UPK2: variants seen among roughly 807,000 people sequenced by gnomAD.
UPK2 encodes uroplakin-2.
UPK2 carries 19 observed loss-of-function variants against 14.8 expected under a neutral mutation model. The ratio of observed to expected loss-of-function variants is 1.29; its 90% CI spans 0.90 to 1.89. The LOEUF (loss-of-function observed/expected upper bound fraction) is 1.89. Among genes scored for constraint, UPK2 ranks in the 40% most tolerant of loss-of-function variants. The pLI, the probability that UPK2 is intolerant of heterozygous loss-of-function variation, is 0.00. For synonymous variants in UPK2, 102 were observed against 101.6 expected (o/e 1.00, Z -0.02); for missense variants, 232 against 236.0 (o/e 0.98, Z 0.11).
At position 118,957,238 on chromosome 11, in the gene UPK2, G is replaced by A. The variant is rs1274809887; in HGVS notation, c.239G>A (p.Cys80Tyr). Residue 80 changes from cysteine (C) to tyrosine (Y), a missense_variant, in exon 3 of 5, where the codon TGC becomes TAC. Cys to Tyr is a radical substitution (Grantham distance 194, BLOSUM62 -2). Transcript: ENST00000264031. ...VVTSSFVVPPCRGRRELVSVV... is the reference protein window; with the variant it reads ...VVTSSFVVPPYRGRRELVSVV... ...ACGTCCAGCTTTGTGGTGCCTCCGTGCCGTGGGCGCAGGGAACTGGTGAGT... is the reference window on the plus strand; with the variant it reads ...ACGTCCAGCTTTGTGGTGCCTCCGTACCGTGGGCGCAGGGAACTGGTGAGT... The A allele has an allele frequency of 6.2e-7, 1 of 1,614,132 alleles. No homozygotes were observed.
rs557904545 is a variant in UPK2 at position 118,956,724 on chromosome 11, C to A, written c.77-159C>A. Among the ~76,000 whole-genome samples the A allele has an allele frequency of 6.6e-6, 1 of 152,144 alleles. No individual in the cohort carries two copies. The highest frequency in any genetic ancestry group is 1.5e-5 in the Non-Finnish European group (1 of 68,030). On this transcript the variant is annotated intron_variant, in intron 1 of 4. Transcript: ENST00000264031. This position sits in a 1 kb window ranked among gnomAD's most constrained non-coding sequence, Gnocchi z 4.1. ...CGCTTGGTGGAGGGTGCAGCTTCTG[C>A]AGCCCAAGCCTGCCACCTGGTGGTC...
chr11:118,956,849 G>T lies in UPK2; in HGVS notation c.77-34G>T. On this transcript the variant is annotated intron_variant, in intron 1 of 4. Coordinates refer to ENST00000264031, the MANE Select transcript of UPK2 (RefSeq NM_006760.4). The surrounding 1 kb of genome is among the most constrained non-coding windows in gnomAD (Gnocchi z 4.1). The stretch of plus-strand genomic sequence containing the variant: ...CAGATCTGTTGGCCAGGAGGGGTCA[G>T]TCCCCATCGGAGCTCCCTCCTGCCT... The T allele has an allele frequency of 6.2e-7, 1 of 1,613,012 alleles. No individual in the cohort carries two copies. The highest frequency in any genetic ancestry group is 1.3e-5 in the African/African-American group (1 of 75,022).
At chr11:118,957,047 T>C in intron 2 of UPK2, 33 bp downstream of exon 2, 4 of 1,612,988 alleles carry the variant, frequency 2.5e-6, no homozygotes, top group Non-Finnish European at 3.4e-6. Context: ...ATCCCTCTAG[T>C]CCCCAAAGAC....
rs1249671506 is a variant in UPK2, at chr11:118,956,787, CAG to C, written c.77-93_77-92del. The C allele has an allele frequency of 6.5e-7, 1 of 1,536,194 alleles. No individual in the cohort carries two copies. The highest frequency in any genetic ancestry group is 1.4e-5 in the African/African-American group (1 of 73,370). On this transcript the variant is annotated intron_variant, in intron 1 of 4. Coordinates refer to ENST00000264031, the MANE Select transcript of UPK2 (RefSeq NM_006760.4). The surrounding 1 kb of genome is among the most constrained non-coding windows in gnomAD (Gnocchi z 4.1). ...GCCTGGCTGTTCTGCCCAGGGTTCACAGAGTGGAAAGGGAGATGGCTCCAATG... is the reference window on the plus strand; with the variant it reads ...GCCTGGCTGTTCTGCCCAGGGTTCACAGTGGAAAGGGAGATGGCTCCAATG...
Position 118,958,194 on chromosome 11 carries a change from G to A in UPK2, c.516G>A (p.Leu172=), listed in dbSNP as rs765791853. The A allele has an allele frequency of 1.2e-6, 2 of 1,613,812 alleles. No individual in the cohort carries two copies. Among genetic ancestry groups the A allele is most frequent in the African/African-American group, 1.3e-5 (1 of 74,904 alleles). ...CTGTCGCCATGTTCCTGCTGGTGCT[G>A]GGCTTCATCATTGCCCTGGCACTGG... ...LLSVAMFLLV[L]GFIIALALGS... is the part of the protein sequence containing the mutation. The change falls in exon 5 of 5, where the codon CTG becomes CTA. Residue 172 remains leucine (L), a synonymous_variant. Coordinates refer to ENST00000264031, the MANE Select transcript of UPK2 (RefSeq NM_006760.4). This position sits in a 1 kb window ranked among gnomAD's most constrained non-coding sequence, Gnocchi z 4.6.
chr11:118,957,723 G>T, intron 4 of UPK2, 55 bp downstream of exon 4: 1 of 1,601,294 alleles, frequency 6.2e-7, no homozygotes, highest in South Asian at 1.1e-5. Context: ...ACGCTTCCCT[G>T]ACCATTCCTG....
chr11:118,957,338 C>G lies in UPK2; in HGVS notation c.339C>G (p.Thr113=). 1 of 1,613,976 alleles carries G rather than the reference C, an allele frequency of 6.2e-7. No individual in the cohort carries two copies. ...AGGTGACAAACCTCGTGCCAGGAAC[C>G]AAATTCTAGTAGGTACTGGGTCCAG... The part of the protein sequence containing the change: ...AYQVTNLVPG[T]KFYISYLVKK... Residue 113 remains threonine, a synonymous_variant, in exon 3 of 5, where the codon ACC becomes ACG. Coordinates refer to ENST00000264031, the MANE Select transcript of UPK2 (RefSeq NM_006760.4).
rs373431135 is a variant in UPK2, at chr11:118,957,552, C to T, written c.348-46C>T. 1.7e-5 allele frequency: 27 copies of T among 1,608,306 alleles called. No homozygotes were observed. The Admixed American group carries it at 4.2e-4, about 25-fold the overall frequency. Reference sequence around the variant, plus strand: ...GGCTGGAGCCCCTCTTCCTGTAAGTCCCAATACTCACTGAGGGTTCTCTAC... The same window carrying T: ...GGCTGGAGCCCCTCTTCCTGTAAGTTCCAATACTCACTGAGGGTTCTCTAC... On this transcript the variant is annotated intron_variant, in intron 3 of 4. Transcript: ENST00000264031.
chr11:118,956,828 T>A lies in UPK2; in HGVS notation c.77-55T>A, dbSNP rs1941565995. The A allele has an allele frequency of 6.2e-7, 1 of 1,608,606 alleles. No individual in the cohort carries two copies. On this transcript the variant is annotated intron_variant, in intron 1 of 4. Coordinates refer to ENST00000264031, the MANE Select transcript of UPK2 (RefSeq NM_006760.4). This position sits in a 1 kb window ranked among gnomAD's most constrained non-coding sequence, Gnocchi z 4.1. Reference sequence around the variant, plus strand: ...ATGGCTCCAATGGGACCGGGCCAGATCTGTTGGCCAGGAGGGGTCAGTCCC... The same window carrying A: ...ATGGCTCCAATGGGACCGGGCCAGAACTGTTGGCCAGGAGGGGTCAGTCCC...
At position 118,958,280 on chromosome 11, in the gene UPK2, A is replaced by T; in HGVS notation, c.*47A>T. 1 of 1,560,436 alleles carries T rather than the reference A, an allele frequency of 6.4e-7. No homozygotes were observed. On this transcript the variant is annotated 3_prime_UTR_variant, in exon 5 of 5. Transcript: ENST00000264031. This position sits in a 1 kb window ranked among gnomAD's most constrained non-coding sequence, Gnocchi z 4.6. ...GCTTCTCCAGGAAGCCCAGGGCACC[A>T]TCCAGCTCCCCAGCCCACCTGCTCC... is the stretch of plus-strand genomic sequence containing the variant.
chr11:118,957,228 G>A lies in UPK2; in HGVS notation c.229G>A (p.Val77Met). Residue 77 changes from valine to methionine, a missense_variant, in exon 3 of 5, where the codon GTG (valine) becomes ATG (methionine). Transcript: ENST00000264031. ...DSKVVTSSFV[V>M]PPCRGRRELV... The stretch of plus-strand genomic sequence containing the variant: ...CCCAGTGGTGACGTCCAGCTTTGTG[G>A]TGCCTCCGTGCCGTGGGCGCAGGGA... 2.5e-6 allele frequency: 4 copies of A among 1,614,104 alleles called. No individual in the cohort carries two copies. The highest frequency in any genetic ancestry group is 3.4e-6 in the Non-Finnish European group (4 of 1,180,030).
Position 118,956,978 on chromosome 11 carries a change from G to A in UPK2, c.172G>A (p.Ala58Thr). 2 of 1,614,104 alleles carry A rather than the reference G, an allele frequency of 1.2e-6. No homozygotes were observed. The highest frequency in any genetic ancestry group is 1.7e-6 in the Non-Finnish European group (2 of 1,180,000). Residue 58 changes from alanine (A) to threonine (T), a missense_variant, in exon 2 of 5, where the codon GCC (alanine) becomes ACC (threonine). By Grantham distance (58) the Ala-to-Thr change is moderately conservative. Transcript: ENST00000264031. This position sits in a 1 kb window ranked among gnomAD's most constrained non-coding sequence, Gnocchi z 4.1. Reference protein sequence around the residue: ...LPPCHLTGGNATLMVRRANDS... With the variant: ...LPPCHLTGGNTTLMVRRANDS... Reference sequence around the variant, plus strand: ...CCCCTGTCACCTCACAGGAGGCAATGCCACACTGATGGTCCGGAGAGCCAA... The same window carrying A: ...CCCCTGTCACCTCACAGGAGGCAATACCACACTGATGGTCCGGAGAGCCAA...
In UPK2 at chr11:118,956,628, TCCGATGCTGCGGGGA is replaced by T. The variant is rs1373158779; in HGVS notation, c.76+203_76+217del. Among the ~76,000 whole-genome samples, 1 of 152,022 alleles carries T rather than the reference TCCGATGCTGCGGGGA, an allele frequency of 6.6e-6. No homozygotes were observed. Among genetic ancestry groups the T allele is most frequent in the Non-Finnish European group, 1.5e-5 (1 of 67,994 alleles). ...GGAGGCAGAGAGGTGTGGGCAAGGA[TCCGATGCTGCGGGGA>T]GGGGTGAGGTTGGGCGCTGCCCGAC... On this transcript the variant is annotated intron_variant, in intron 1 of 4. Transcript: ENST00000264031. This position sits in a 1 kb window ranked among gnomAD's most constrained non-coding sequence, Gnocchi z 4.1.
chr11:118,958,473 T>C lies in UPK2; in HGVS notation c.*240T>C, dbSNP rs1343406754. 14 of 499,612 alleles carry C rather than the reference T, an allele frequency of 2.8e-5. No homozygotes were observed. Among genetic ancestry groups the C allele is most frequent in the Non-Finnish European group, 5.0e-5 (14 of 278,530 alleles). 30.9% of individuals were successfully genotyped at this position (499,612 alleles called of 1,614,324 possible). A position where few individuals can be genotyped will look rare whatever the true frequency, so the allele number is the denominator to read the frequency against. On this transcript the variant is annotated 3_prime_UTR_variant, in exon 5 of 5. Coordinates refer to ENST00000264031, the MANE Select transcript of UPK2 (RefSeq NM_006760.4). This position sits in a 1 kb window ranked among gnomAD's most constrained non-coding sequence, Gnocchi z 4.6. ...CCTGTCAGAGTTGACTTTCCTCCCA[T>C]TTTACCACTTTAAACACCCCCATAA...
intron 3 of UPK2, 52 bp downstream of exon 3, chr11:118,957,398 A>G: frequency 6.2e-7 from 1 of 1,602,150 alleles, no homozygotes; most frequent in East Asian, 2.3e-5. Context: ...GCAGGAAGAG[A>G]GAGAAGCTAG....
At chr11:118,957,367 G>C (rs1381178487) in intron 3 of UPK2, 21 bp downstream of exon 3, 1 of 1,612,210 alleles carries the variant, frequency 6.2e-7, no homozygotes, top group Non-Finnish European at 8.5e-7. Flanking sequence ...GGTCCAGCCT[G>C]AGGCACCTAG....
chr11:118,957,466 A>G, intron 3 of UPK2, 120 bp downstream of exon 3: 1 of 1,546,160 alleles, frequency 6.5e-7, no homozygotes, highest in Middle Eastern at 1.7e-4. Flanking sequence ...AAGGGGGTGA[A>G]AGCTGGGCCT....
chr11:118,957,719 C>A lies in UPK2; in HGVS notation c.418+51C>A, dbSNP rs1309315572. On this transcript the variant is annotated intron_variant, in intron 4 of 4. Transcript: ENST00000264031. ...CCCATCTCAGCGGCCACAAACGCTT[C>A]CCTGACCATTCCTGCCTCATCCCCA... 4.4e-6 allele frequency: 7 copies of A among 1,604,552 alleles called. No homozygotes were observed. In the African/African-American group the frequency reaches 8.0e-5, roughly 18 times the overall value.
Position 118,956,396 on chromosome 11 carries a change from C to T in UPK2, c.46C>T (p.Leu16=). The part of the protein sequence containing the change: ...PIRTLPLILI[L]LALLSPGAAD... ...CCGGACCTTGCCCTTGATCCTGATT[C>T]TGCTGGCTCTGCTGTCCCCAGGGGC... Residue 16 remains leucine, a synonymous_variant, in exon 1 of 5, where the codon CTG becomes TTG. Transcript: ENST00000264031. The surrounding 1 kb of genome is among the most constrained non-coding windows in gnomAD (Gnocchi z 4.1). 6.2e-7 allele frequency: 1 copy of T among 1,610,366 alleles called. No homozygotes were observed.
Sources: allele counts gnomAD v4.1 joint callset (sites outside exome capture counted in the v4.1 genomes callset), GRCh38; gene constraint gnomAD v4.1.1; non-coding constraint Gnocchi (gnomAD v3.1); transcripts MANE v1.5; gene names NCBI Gene and HGNC (gene_info 2026-07-23, HGNC 2026-07-21).